The following DPP6 variants were observed in gnomAD, a reference collection of about 807,000 sequenced individuals.
The protein encoded by DPP6 is dipeptidyl peptidase like 6.
DPP6 carries 69 observed loss-of-function variants against 122.6 expected under a neutral mutation model. The ratio of observed to expected loss-of-function variants is 0.56; its 90% CI spans 0.46 to 0.69. DPP6 has a LOEUF of 0.69. DPP6 is among the 30% of genes least tolerant of loss of function. The probability of loss-of-function intolerance (pLI) is 0.00; values close to 1 mark genes in which losing one functional copy is unlikely to be tolerated. For synonymous variants in DPP6, 418 were observed against 433.1 expected (o/e 0.97, Z 0.43); for missense variants, 928 against 1,116.9 (o/e 0.83, Z 2.41).
intron 5 of DPP6, among the ~76,000 whole-genome samples, chr7:154,592,030 A>T (rs543668308): frequency 1.8e-4 from 28 of 152,320 alleles, no homozygotes; most frequent in Admixed American, 1.8e-3. Flanking sequence ...GAAGACGGGA[A>T]TCTAGTGGGG....
intron 1 of DPP6, among the ~76,000 whole-genome samples, chr7:153,973,198 A>G (rs1193417413): frequency 6.6e-6 from 1 of 152,160 alleles, no homozygotes; most frequent in Admixed American, 6.5e-5. Context: ...CGTTGTTGGT[A>G]TTTTATTTAA....
chr7:154,058,475 T>A (rs34143316), intron 1 of DPP6: 3 of 113,970 alleles, frequency 2.6e-5, no homozygotes, highest in African/African-American at 7.4e-5. Flanking sequence ...ACCCCCATCG[T>A]AGGGGGGGGG....
At chr7:154,555,160 A>G (rs544851719) in intron 4 of DPP6, among the ~76,000 whole-genome samples, 40 of 152,310 alleles carry the variant, frequency 2.6e-4, no homozygotes, top group Admixed American at 4.6e-4. Flanking sequence ...CAACCAAACC[A>G]AATGATTCAA....
At chr7:154,370,672 G>A (rs546269878) in intron 1 of DPP6, among the ~76,000 whole-genome samples, 1 of 152,210 alleles carries the variant, frequency 6.6e-6, no homozygotes, top group South Asian at 2.1e-4. Context: ...CAATAAAAAA[G>A]CATTTGAATG....
chr7:154,317,554 T>C (rs899267486), intron 1 of DPP6, among the ~76,000 whole-genome samples: 1 of 152,222 alleles, frequency 6.6e-6, no homozygotes, highest in Non-Finnish European at 1.5e-5. Context: ...ATAGTGATAC[T>C]ATTGGGAATC....
the DPP6 span, among the ~76,000 whole-genome samples, chr7:153,817,759 C>T: frequency 1.8e-5 from 2 of 109,216 alleles, no homozygotes; most frequent in African/African-American, 7.6e-5. Flanking sequence ...CACACCAGGG[C>T]CTGTCGTGGG....
At chr7:154,194,168 C>T (rs1425698222) in intron 1 of DPP6, among the ~76,000 whole-genome samples, 1 of 152,042 alleles carries the variant, frequency 6.6e-6, no homozygotes, top group Non-Finnish European at 1.5e-5. Flanking sequence ...TTCCAGGTGC[C>T]GTCACTGTTG....
intron 1 of DPP6, among the ~76,000 whole-genome samples, chr7:154,339,416 G>A (rs982747856): frequency 5.9e-5 from 9 of 152,138 alleles, no homozygotes; most frequent in Admixed American, 5.2e-4. Flanking sequence ...GAGGCTTTAC[G>A]GTCCTCTCAG....
At chr7:153,997,729 G>A (rs2533573) in intron 1 of DPP6, among the ~76,000 whole-genome samples, 1,761 of 127,432 alleles carry the variant, frequency 0.014, 74 homozygotes, top group African/African-American at 0.039. Flanking sequence ...CAAGCATCCA[G>A]CGACAAAAAG....
chr7:154,192,693 C>T (rs1475224221), intron 1 of DPP6, among the ~76,000 whole-genome samples: 2 of 152,356 alleles, frequency 1.3e-5, no homozygotes, highest in East Asian at 3.8e-4. Context: ...TAAAAATCCC[C>T]ATATGGGTCA....
At chr7:153,871,359 C>G in the DPP6 span, among the ~76,000 whole-genome samples, 2 of 152,248 alleles carry the variant, frequency 1.3e-5, no homozygotes, top group Non-Finnish European at 2.9e-5. Flanking sequence ...GGTGGGCGCC[C>G]CTCCCCCAGC....
intron 1 of DPP6, among the ~76,000 whole-genome samples, chr7:153,891,231 C>G (rs1584990130): frequency 6.7e-6 from 1 of 149,874 alleles, no homozygotes; most frequent in Admixed American, 6.7e-5. Flanking sequence ...GCCATGTTAG[C>G]CAGGATGGTC....
At chr7:153,871,145 C>T in the DPP6 span, among the ~76,000 whole-genome samples, 5 of 152,210 alleles carry the variant, frequency 3.3e-5, no homozygotes, top group Non-Finnish European at 5.9e-5. Flanking sequence ...TCCCAAGCTG[C>T]GTGCTGGGAG....
intron 1 of DPP6, among the ~76,000 whole-genome samples, chr7:153,889,123 G>C (rs574634788): frequency 6.6e-6 from 1 of 152,218 alleles, no homozygotes; most frequent in South Asian, 2.1e-4. Flanking sequence ...AGTAATCGCC[G>C]CATGGAGGGG....
intron 1 of DPP6, among the ~76,000 whole-genome samples, chr7:154,091,121 A>C (rs922624187): frequency 3.1e-5 from 3 of 97,654 alleles, no homozygotes; most frequent in Non-Finnish European, 5.6e-5. Flanking sequence ...ACTCCTTCTC[A>C]AAAAAAAAAA....
At chr7:154,262,469 G>T (rs1006352151) in intron 1 of DPP6, among the ~76,000 whole-genome samples, 1 of 152,164 alleles carries the variant, frequency 6.6e-6, no homozygotes, top group South Asian at 2.1e-4. Context: ...CAGTGAGAAG[G>T]TGCCGTCTGC....
rs554594992 is a variant in DPP6, at chr7:154,088,497, C to T, written c.243+35434C>T. 7.1e-3 allele frequency among the ~76,000 whole-genome samples: 1,042 copies of T among 147,320 alleles called. 14 individuals carry two copies. The highest frequency in any genetic ancestry group is 0.026 in the African/African-American group (996 of 38,922). On this transcript the variant is annotated intron_variant, in intron 1 of 25. Transcript: ENST00000377770. ...GTCCATGCAATTCAGGCAACTCTCC[C>T]CAGCTATGCTAGTTACTTCCTTCAT...
chr7:154,778,645 C>A (rs1283612461), intron 10 of DPP6, among the ~76,000 whole-genome samples: 1 of 151,764 alleles, frequency 6.6e-6, no homozygotes, highest in Admixed American at 6.6e-5. Context: ...ACCACACCAC[C>A]ACCACCACAA....
intron 1 of DPP6, among the ~76,000 whole-genome samples, chr7:154,236,910 A>G (rs1362906664): frequency 6.6e-6 from 1 of 152,152 alleles, no homozygotes; most frequent in Non-Finnish European, 1.5e-5. Flanking sequence ...GGTGCTCCCC[A>G]GCCTCCATTG....
Sources: allele counts gnomAD v4.1 joint callset (sites outside exome capture counted in the v4.1 genomes callset), GRCh38; gene constraint gnomAD v4.1.1; transcripts MANE v1.5; gene names NCBI Gene and HGNC (gene_info 2026-07-23, HGNC 2026-07-21).